Variants in ADARB2 observed in about 807,000 individuals in gnomAD.
ADARB2 encodes the protein inactive double-stranded RNA-specific editase B2.
ADARB2 carries 25 observed loss-of-function variants against 62.2 expected under a neutral mutation model. That is an observed-to-expected ratio of 0.40 (90% CI 0.29 to 0.56). The LOEUF (loss-of-function observed/expected upper bound fraction) is 0.56, where lower values mean the gene tolerates loss of function less well. Among genes scored for constraint, ADARB2 ranks in the 20% least tolerant of loss-of-function variants. The pLI, the probability that ADARB2 is intolerant of heterozygous loss-of-function variation, is 0.43. For missense variants in ADARB2, 1,071 were observed against 1,077.4 expected, an observed-to-expected ratio of 0.99 and a Z score of 0.08; for synonymous variants, 572 against 500.8, an observed-to-expected ratio of 1.14 and a Z score of -1.90.
intron 1 of ADARB2, among the ~76,000 whole-genome samples, chr10:1,633,546 TATC>T (rs1554776926): frequency 6.9e-5 from 8 of 116,584 alleles, no homozygotes; most frequent in East Asian, 2.6e-4. Flanking sequence ...TCTGTCTATC[TATC>T]ATCTATCTAT....
rs746639102 is a variant in ADARB2, at chr10:1,183,188, G to A, written c.*5C>T. The A allele has an allele frequency of 6.8e-6, 11 of 1,611,104 alleles. No individual in the cohort carries two copies. Among genetic ancestry groups the A allele is most frequent in the Admixed American group, 1.7e-5 (1 of 59,968 alleles). On this transcript the variant is annotated 3_prime_UTR_variant, in exon 10 of 10. Coordinates refer to ENST00000381312, the MANE Select transcript of ADARB2 (RefSeq NM_018702.4). ...GCTCAGCTCCAGCAGCCAGGAGCCC[G>A]CAGCCTAGAGAGTCAGTAGAAACTG...
intron 1 of ADARB2, among the ~76,000 whole-genome samples, chr10:1,577,714 G>A (rs1262690020): frequency 6.6e-6 from 1 of 152,166 alleles, no homozygotes; most frequent in Admixed American, 6.5e-5. Context: ...CACACAGGGA[G>A]CAGCCCAATG....
intron 7 of ADARB2, among the ~76,000 whole-genome samples, chr10:1,211,715 G>A (rs1281440061): frequency 6.6e-6 from 1 of 152,208 alleles, no homozygotes; most frequent in Non-Finnish European, 1.5e-5. Context: ...CCCAGTGTGA[G>A]GTCACTGAGC....
chr10:1,453,989 G>A (rs536044537), intron 1 of ADARB2, among the ~76,000 whole-genome samples: 2 of 152,144 alleles, frequency 1.3e-5, no homozygotes, highest in South Asian at 4.2e-4. Context: ...ATAGTGTATT[G>A]GTCTGCTCTC....
At chr10:1,595,390 T>C (rs551070487) in intron 1 of ADARB2, among the ~76,000 whole-genome samples, 10 of 152,298 alleles carry the variant, frequency 6.6e-5, no homozygotes, top group African/African-American at 2.2e-4. Context: ...GACAGTATGG[T>C]ATGGAGGCTA....
intron 7 of ADARB2, among the ~76,000 whole-genome samples, chr10:1,206,143 C>G (rs1008585189): frequency 1.3e-5 from 2 of 152,252 alleles, no homozygotes; most frequent in African/African-American, 4.8e-5. Context: ...CTCCCTTTCT[C>G]TTGATATTTC....
intron 1 of ADARB2, among the ~76,000 whole-genome samples, chr10:1,552,154 C>T (rs563613137): frequency 1.6e-3 from 239 of 152,340 alleles, no homozygotes; most frequent in Non-Finnish European, 2.9e-3. Context: ...ACTCCCACTC[C>T]GAGCAGGTGG....
At chr10:1,184,300 A>G (rs1220635317) in intron 9 of ADARB2, among the ~76,000 whole-genome samples, 3 of 152,166 alleles carry the variant, frequency 2.0e-5, no homozygotes, top group African/African-American at 7.2e-5. Context: ...GTTACAGTCT[A>G]TGCTTTGGAA....
At chr10:1,686,271 T>C (rs2119121504) in intron 1 of ADARB2, among the ~76,000 whole-genome samples, 1 of 152,340 alleles carries the variant, frequency 6.6e-6, no homozygotes, top group East Asian at 1.9e-4. Flanking sequence ...GGGTTCTCTG[T>C]GGCTTGGGCC....
chr10:1,562,630 A>G (rs1832798601), intron 1 of ADARB2, among the ~76,000 whole-genome samples: 1 of 152,214 alleles, frequency 6.6e-6, no homozygotes, highest in Non-Finnish European at 1.5e-5. Flanking sequence ...CCTAAAAAGG[A>G]GAATGACACC....
chr10:1,502,337 A>G (rs921708125), intron 1 of ADARB2, among the ~76,000 whole-genome samples: 6 of 152,246 alleles, frequency 3.9e-5, no homozygotes, highest in African/African-American at 1.4e-4. Context: ...CACACCAGGA[A>G]AGAAGGTTTA....
At chr10:1,190,610 C>G (rs1052722695) in intron 8 of ADARB2, among the ~76,000 whole-genome samples, 1 of 152,186 alleles carries the variant, frequency 6.6e-6, no homozygotes, top group African/African-American at 2.4e-5. Context: ...GGAGAGACCC[C>G]TTCTTGACTC....
chr10:1,692,823 G>A (rs1217383599), intron 1 of ADARB2, among the ~76,000 whole-genome samples: 1 of 152,160 alleles, frequency 6.6e-6, no homozygotes, highest in Admixed American at 6.5e-5. Flanking sequence ...GTGCAGCCAG[G>A]ACAGAATTGA....
chr10:1,608,044 G>T (rs79271846), intron 1 of ADARB2, among the ~76,000 whole-genome samples: 3 of 152,290 alleles, frequency 2.0e-5, no homozygotes, highest in Admixed American at 2.0e-4. Flanking sequence ...GGAAACTGAC[G>T]TAGGTTTCAG....
intron 1 of ADARB2, among the ~76,000 whole-genome samples, chr10:1,527,410 T>C (rs1285710060): frequency 2.7e-5 from 4 of 149,292 alleles, no homozygotes; most frequent in Admixed American, 6.8e-5. Context: ...CTTACAGTAG[T>C]AACTCAGCAA....
chr10:1,461,927 G>C (rs1831179777), intron 1 of ADARB2, among the ~76,000 whole-genome samples: 1 of 152,126 alleles, frequency 6.6e-6, no homozygotes, highest in Non-Finnish European at 1.5e-5. Context: ...GCTTGAACTG[G>C]GGAGGCGGAG....
chr10:1,349,966 C>T (rs1832119998), intron 3 of ADARB2, among the ~76,000 whole-genome samples: 1 of 152,084 alleles, frequency 6.6e-6, no homozygotes, highest in Non-Finnish European at 1.5e-5. Context: ...TTTAAACTTG[C>T]CTCCTTCACT....
Position 1,737,450 on chromosome 10 carries a change from T to G in ADARB2, c.-300A>C. The G allele has an allele frequency of 2.4e-6, 1 of 408,944 alleles. No individual in the cohort carries two copies. The allele number at this position is 408,944 out of a possible 1,614,324, so 25.3% of individuals were successfully genotyped here. ...AGTGCTCCGAGCTTCCCGCGGGCTC[T>G]GCCTCCTGCTCTGGGCTCCCAGCGC... On this transcript the variant is annotated 5_prime_UTR_variant, in exon 1 of 10. Transcript: ENST00000381312.
At chr10:1,394,592 G>A (rs1443862779) in intron 1 of ADARB2, among the ~76,000 whole-genome samples, 2 of 152,242 alleles carry the variant, frequency 1.3e-5, no homozygotes, top group South Asian at 2.1e-4. Context: ...GAGTGACCTC[G>A]TGGAATTTCA....
Sources: gnomAD v4.1 joint callset for allele counts (sites outside exome capture counted in the v4.1 genomes callset) on GRCh38, gnomAD v4.1.1 for gene constraint, MANE v1.5 for transcripts, NCBI Gene and HGNC (gene_info 2026-07-23, HGNC 2026-07-21) for gene names.